ASAP1: variants seen among roughly 807,000 people sequenced by gnomAD.
ASAP1 encodes ArfGAP with SH3 domain, ankyrin repeat and PH domain 1, also known as arf-GAP with SH3 domain, ANK repeat and PH domain-containing protein 1.
In ASAP1, 43 loss-of-function variants were observed where a neutral mutation model predicts 145.2. The observed-to-expected ratio is 0.30, with a 90% CI of 0.23 to 0.38. ASAP1 has a LOEUF of 0.38. ASAP1 is among the 10% of genes least tolerant of loss of function. The probability of loss-of-function intolerance (pLI) is 1.00; values close to 1 mark genes in which losing one functional copy is unlikely to be tolerated. For synonymous variants in ASAP1, 546 were observed against 515.5 expected (o/e 1.06, Z -0.80); for missense variants, 1,018 against 1,355.3 (o/e 0.75, Z 3.91).
chr8:130,086,298 C>T (rs1055555262), intron 25 of ASAP1, among the ~76,000 whole-genome samples: 5 of 152,172 alleles, frequency 3.3e-5, no homozygotes, highest in South Asian at 4.1e-4. Flanking sequence ...TTCTGCGCCC[C>T]GAAGTTGAGA....
chr8:130,390,546 T>C (rs1828229921), intron 2 of ASAP1, among the ~76,000 whole-genome samples: 1 of 152,252 alleles, frequency 6.6e-6, no homozygotes, highest in African/African-American at 2.4e-5. Flanking sequence ...AGATATCTAT[T>C]TCCCCTGACA....
At chr8:130,119,135 G>C (rs1034303653) in intron 18 of ASAP1, among the ~76,000 whole-genome samples, 5 of 152,044 alleles carry the variant, frequency 3.3e-5, no homozygotes, top group Admixed American at 3.3e-4. Flanking sequence ...AAAAGGATCG[G>C]GTCTCGCTAT....
intron 3 of ASAP1, among the ~76,000 whole-genome samples, chr8:130,252,280 TG>T (rs1430018640): frequency 3.3e-5 from 5 of 152,204 alleles, no homozygotes; most frequent in Non-Finnish European, 7.3e-5. Context: ...ATTATAATAA[TG>T]TAAATTATCT....
chr8:130,396,616 C>T (rs1009188453), intron 2 of ASAP1, among the ~76,000 whole-genome samples: 3 of 152,320 alleles, frequency 2.0e-5, no homozygotes, highest in South Asian at 4.1e-4. Context: ...GCTTCCTAAC[C>T]CTTCCAACTA....
chr8:130,424,209 A>G (rs1829827456), intron 1 of ASAP1, among the ~76,000 whole-genome samples: 7 of 152,256 alleles, frequency 4.6e-5, no homozygotes. Flanking sequence ...ATGTCCTCAC[A>G]TGAGACTGCG....
At chr8:130,057,458 CT>C (rs140832148) in intron 29 of ASAP1, among the ~76,000 whole-genome samples, 1 of 151,922 alleles carries the variant, frequency 6.6e-6, no homozygotes, top group Non-Finnish European at 1.5e-5. Flanking sequence ...GGCTGTTTTT[CT>C]TTTTTTTCAG....
At position 130,227,701 on chromosome 8, in the gene ASAP1, C is replaced by T. The variant is rs1817667345; in HGVS notation, c.259+9221G>A. Among the ~76,000 whole-genome samples, 3 of 150,786 alleles carry T rather than the reference C, an allele frequency of 2.0e-5. No homozygotes were observed. In the South Asian group the frequency reaches 6.2e-4, roughly 31 times the overall value. On this transcript the variant is annotated intron_variant, in intron 4 of 29. Transcript: ENST00000518721. ...ATAACACAGTATATAGTATAGATAA[C>T]ATATTGTTTATATAAATCAATGGTT...
chr8:130,147,187 A>G (rs2097633342), intron 13 of ASAP1, among the ~76,000 whole-genome samples: 1 of 109,204 alleles, frequency 9.2e-6, no homozygotes, highest in Admixed American at 1.3e-4. Flanking sequence ...CTCCAAAGGG[A>G]AATGCAGTCT....
Position 130,273,544 on chromosome 8 carries a change from G to C in ASAP1, c.187-36550C>G, listed in dbSNP as rs575755692. On this transcript the variant is annotated intron_variant, in intron 3 of 29. Coordinates refer to ENST00000518721, the MANE Select transcript of ASAP1 (RefSeq NM_018482.4). ...AAACTTGCTATAAACACAGCAGCCA[G>C]GCTTCTGAACCCAGGAGCTTGTATT... is the stretch of plus-strand genomic sequence containing the variant. Among the ~76,000 whole-genome samples the C allele has an allele frequency of 2.5e-3, 375 of 152,316 alleles. 1 individual carries two copies. The highest frequency in any genetic ancestry group is 3.9e-3 in the Non-Finnish European group (266 of 68,042).
intron 3 of ASAP1, among the ~76,000 whole-genome samples, chr8:130,352,385 C>T (rs577229592): frequency 1.3e-5 from 2 of 152,112 alleles, no homozygotes; most frequent in African/African-American, 2.4e-5. Context: ...CAAGATCAGA[C>T]GTCAAACCCT....
chr8:130,308,787 A>T (rs1393277990), intron 3 of ASAP1, among the ~76,000 whole-genome samples: 2 of 152,166 alleles, frequency 1.3e-5, no homozygotes, highest in Admixed American at 6.5e-5. Flanking sequence ...TACACCTGTA[A>T]TCCCACCACT....
At chr8:130,381,078 A>AT (rs1827744995) in intron 2 of ASAP1, among the ~76,000 whole-genome samples, 1 of 151,930 alleles carries the variant, frequency 6.6e-6, no homozygotes, top group Non-Finnish European at 1.5e-5. Flanking sequence ...TAGACATGGG[A>AT]TTTTGCCATG....
chr8:130,218,858 T>C (rs1000067209), intron 4 of ASAP1, among the ~76,000 whole-genome samples: 2 of 151,862 alleles, frequency 1.3e-5, no homozygotes, highest in African/African-American at 4.8e-5. Context: ...CATATATATA[T>C]ATATATGCAT....
intron 3 of ASAP1, among the ~76,000 whole-genome samples, chr8:130,310,963 G>A (rs1156703895): frequency 1.3e-5 from 2 of 152,180 alleles, no homozygotes; most frequent in African/African-American, 2.4e-5. Context: ...CTACTAAGGC[G>A]GCAGTGTTTC....
chr8:130,289,474 T>A (rs1821822372), intron 3 of ASAP1, among the ~76,000 whole-genome samples: 2 of 152,222 alleles, frequency 1.3e-5, no homozygotes, highest in African/African-American at 4.8e-5. Flanking sequence ...TATCATATAT[T>A]CAAATTTTAG....
chr8:130,072,942 G>A (rs2097453019), intron 27 of ASAP1, among the ~76,000 whole-genome samples: 2 of 150,634 alleles, frequency 1.3e-5, no homozygotes, highest in Non-Finnish European at 3.0e-5. Context: ...CTGCTGCTTG[G>A]TGTGTGGGGA....
rs1173974120 is a variant in ASAP1, at chr8:130,358,766, C to A, written c.60-623G>T. Among the ~76,000 whole-genome samples, 2 of 145,532 alleles carry A rather than the reference C, an allele frequency of 1.4e-5. No individual in the cohort carries two copies. Among genetic ancestry groups the A allele is most frequent in the African/African-American group, 5.0e-5 (2 of 40,172 alleles). ...GCCCCCGCCCCGCCCCGCCCCCGCT[C>A]GCGCACAGCCCCTGGGGCCTGGCTC... On this transcript the variant is annotated intron_variant, in intron 2 of 29. Transcript: ENST00000518721. The surrounding 1 kb of genome is among the most constrained non-coding windows in gnomAD (Gnocchi z 4.1).
intron 3 of ASAP1, among the ~76,000 whole-genome samples, chr8:130,267,332 G>C (rs921763785): frequency 6.6e-6 from 1 of 152,138 alleles, no homozygotes; most frequent in African/African-American, 2.4e-5. Flanking sequence ...GGACCTTGAA[G>C]AATAGGGGAA....
intron 7 of ASAP1, among the ~76,000 whole-genome samples, chr8:130,183,679 T>A (rs541893231): frequency 5.2e-4 from 79 of 152,296 alleles, no homozygotes; most frequent in African/African-American, 1.9e-3. Flanking sequence ...GATTTACCAC[T>A]TTTATAAAAA....
Sources: gnomAD v4.1 joint callset for allele counts (sites outside exome capture counted in the v4.1 genomes callset) on GRCh38, gnomAD v4.1.1 for gene constraint, Gnocchi (gnomAD v3.1) non-coding constraint, MANE v1.5 for transcripts, NCBI Gene and HGNC (gene_info 2026-07-23, HGNC 2026-07-21) for gene names.